Variants in SENP6 observed in about 807,000 individuals in gnomAD.
SENP6 encodes the protein sentrin-specific protease 6.
A neutral mutation model predicts 134.5 loss-of-function variants in SENP6; 41 were observed. That is an observed-to-expected ratio of 0.30 (90% CI 0.24 to 0.40). SENP6 has a LOEUF of 0.40. Ranked by LOEUF, SENP6 falls within the 10% of genes least tolerant of loss-of-function variation. The probability of loss-of-function intolerance (pLI) is 1.00; values close to 1 mark genes in which losing one functional copy is unlikely to be tolerated. For missense variants in SENP6, 1,248 were observed against 1,312.5 expected, an observed-to-expected ratio of 0.95 and a Z score of 0.76; for synonymous variants, 395 against 429.8, an observed-to-expected ratio of 0.92 and a Z score of 1.00.
chr6:75,675,680 TAAAA>T (rs773121379), intron 12 of SENP6, 176 bp from the exon 13 acceptor site: 5 of 791,322 alleles, frequency 6.3e-6, no homozygotes, highest in Middle Eastern at 2.3e-4. Flanking sequence ...TTGGAAAAAA[TAAAA>T]AAGTTTCTTT....
At chr6:75,675,107 G>A (rs1055299251) in intron 11 of SENP6, among the ~76,000 whole-genome samples, 1 of 151,732 alleles carries the variant, frequency 6.6e-6, no homozygotes, top group African/African-American at 2.4e-5. Flanking sequence ...AAACCATTGA[G>A]TGAAAGTCAG....
chr6:75,677,506 A>G (rs1321456876), intron 14 of SENP6: 1 of 308,374 alleles, frequency 3.2e-6, no homozygotes, highest in Non-Finnish European at 6.0e-6. Context: ...TTTACTTTTC[A>G]TCATCATTTT....
At chr6:75,641,235 A>G (rs1351271212) in intron 6 of SENP6, among the ~76,000 whole-genome samples, 9 of 152,152 alleles carry the variant, frequency 5.9e-5, no homozygotes, top group African/African-American at 1.4e-4. Context: ...CTCATTCTGA[A>G]TGTACATTTT....
At chr6:75,624,002 C>CA (rs750860852) in intron 3 of SENP6, 42 bp downstream of exon 3, 9 of 1,477,950 alleles carry the variant, frequency 6.1e-6, no homozygotes, top group South Asian at 2.5e-5. Context: ...ACATTATATA[C>CA]AAAAAAATTG....
chr6:75,639,437 T>A (rs529958917), intron 5 of SENP6, among the ~76,000 whole-genome samples: 95 of 152,200 alleles, frequency 6.2e-4, no homozygotes, highest in Non-Finnish European at 1.1e-3. Context: ...GTTACTATAT[T>A]TTTTTTCTTC....
intron 16 of SENP6, among the ~76,000 whole-genome samples, chr6:75,684,761 G>T (rs1037966180): frequency 3.9e-5 from 6 of 152,166 alleles, no homozygotes; most frequent in Admixed American, 3.9e-4. Context: ...CTTGATCATG[G>T]TGGATAAGCT....
rs1772587569 is a variant in SENP6, at chr6:75,670,538, T to C, written c.1225-15T>C. ...TTAGTAAATTATTAAGTGAACATTTTCTTTTCCTTTTTAGTTTGGCAATTC... is the reference window on the plus strand; with the variant it reads ...TTAGTAAATTATTAAGTGAACATTTCCTTTTCCTTTTTAGTTTGGCAATTC... On this transcript the variant is annotated splice_polypyrimidine_tract_variant and intron_variant, in intron 10 of 23. Transcript: ENST00000447266. The C allele has an allele frequency of 1.3e-6, 2 of 1,583,742 alleles. No individual in the cohort carries two copies. Among genetic ancestry groups the C allele is most frequent in the Non-Finnish European group, 8.6e-7 (1 of 1,159,950 alleles).
intron 6 of SENP6, chr6:75,646,999 G>C (rs1339779526): frequency 6.6e-6 from 1 of 152,070 alleles, no homozygotes; most frequent in East Asian, 1.9e-4. Context: ...TGAGTAAAAT[G>C]ATTTTAATGA....
intron 6 of SENP6, 116 bp from the exon 7 acceptor site, chr6:75,647,615 A>G (rs1390258527): frequency 1.9e-6 from 1 of 534,300 alleles, no homozygotes; most frequent in African/African-American, 1.9e-5. Context: ...CACTTTTTAT[A>G]TGGCAAAGAA....
intron 1 of SENP6, among the ~76,000 whole-genome samples, chr6:75,606,942 A>G (rs1189846292): frequency 6.6e-6 from 1 of 152,122 alleles, no homozygotes; most frequent in Admixed American, 6.5e-5. Flanking sequence ...CTAGGTAGAG[A>G]GAGTAAAATA....
rs371549895 is a variant in SENP6, at chr6:75,619,004, T to C, written c.53-2528T>C. Among the ~76,000 whole-genome samples the C allele has an allele frequency of 2.7e-5, 4 of 145,858 alleles. No individual in the cohort carries two copies. In the South Asian group the frequency reaches 6.8e-4, roughly 25 times the overall value. ...AGAGAGGATTTATGTTTGCTTGTGT[T>C]AGTCACTTTCAGGCTTTTTTTTTTT... On this transcript the variant is annotated intron_variant, in intron 1 of 23. Transcript: ENST00000447266.
In SENP6 at chr6:75,695,806, A is replaced by G; in HGVS notation, c.2078A>G (p.Tyr693Cys). The G allele has an allele frequency of 6.3e-7, 1 of 1,577,380 alleles. No individual in the cohort carries two copies. The highest frequency in any genetic ancestry group is 1.2e-5 in the South Asian group (1 of 84,946). The change falls in exon 17 of 24, where the codon TAC becomes TGC. Residue 693 changes from tyrosine to cysteine, a missense_variant and splice_region_variant. Physicochemically the swap from Tyr to Cys is radical, Grantham distance 194. Transcript: ENST00000447266. ...NDVIIDFYLK[Y>C]LVLEKLKKED... ...TTGAATTATTTTCTATCAAATAGAT[A>G]CTTGGTGCTTGAAAAACTGAAGAAG...
intron 9 of SENP6, among the ~76,000 whole-genome samples, chr6:75,665,584 T>C (rs977926070): frequency 6.6e-5 from 10 of 152,222 alleles, no homozygotes; most frequent in African/African-American, 2.4e-4. Context: ...GATTCAGTAA[T>C]GAGTACAAGG....
At chr6:75,615,812 A>G in intron 1 of SENP6, among the ~76,000 whole-genome samples, 1 of 152,230 alleles carries the variant, frequency 6.6e-6, no homozygotes, top group East Asian at 1.9e-4. Flanking sequence ...ATTAGTGGCG[A>G]AGCCTTCTGA....
intron 1 of SENP6, among the ~76,000 whole-genome samples, chr6:75,615,249 C>T (rs1767764872): frequency 6.6e-6 from 1 of 152,014 alleles, no homozygotes; most frequent in African/African-American, 2.4e-5. Context: ...GGCATGATCT[C>T]AGCTCACTCA....
At chr6:75,639,207 T>A (rs979360957) in intron 5 of SENP6, among the ~76,000 whole-genome samples, 1 of 152,206 alleles carries the variant, frequency 6.6e-6, no homozygotes, top group African/African-American at 2.4e-5. Context: ...ATACATAGGA[T>A]AGGACAGACT....
chr6:75,689,495 G>A (rs1774086238), intron 16 of SENP6, among the ~76,000 whole-genome samples: 2 of 152,156 alleles, frequency 1.3e-5, no homozygotes, highest in Non-Finnish European at 1.5e-5. Context: ...TGCTGCCACT[G>A]TGGAAAACAG....
At chr6:75,637,985 C>G (rs1229251605) in intron 5 of SENP6, among the ~76,000 whole-genome samples, 3 of 152,096 alleles carry the variant, frequency 2.0e-5, no homozygotes, top group African/African-American at 7.2e-5. Flanking sequence ...TCCTGAGTGG[C>G]TGAAATTACA....
At chr6:75,646,973 C>A (rs1406966071) in intron 6 of SENP6, 4 of 151,826 alleles carry the variant, frequency 2.6e-5, no homozygotes, top group African/African-American at 7.3e-5. Flanking sequence ...AAGAAAATTT[C>A]TTTGGAACTT....
Sources: allele counts gnomAD v4.1 joint callset (sites outside exome capture counted in the v4.1 genomes callset), GRCh38; gene constraint gnomAD v4.1.1; transcripts MANE v1.5; gene names NCBI Gene and HGNC (gene_info 2026-07-23, HGNC 2026-07-21).